Variants in GRID2 observed in about 807,000 individuals in gnomAD.
The protein encoded by GRID2 is glutamate receptor ionotropic, delta-2.
A neutral mutation model predicts 114.8 loss-of-function variants in GRID2; 33 were observed. The ratio of observed to expected loss-of-function variants is 0.29; its 90% CI spans 0.22 to 0.38. The LOEUF is 0.38. Among genes scored for constraint, GRID2 ranks in the 10% least tolerant of loss-of-function variants. The pLI is 1.00. For missense variants in GRID2, 1,184 were observed against 1,257.7 expected (o/e 0.94, Z 0.89); for synonymous variants, 505 against 449.9 (o/e 1.12, Z -1.55).
intron 2 of GRID2, among the ~76,000 whole-genome samples, chr4:92,714,477 C>A (rs1735433187): frequency 6.6e-6 from 1 of 152,152 alleles, no homozygotes. Context: ...TAGGCAGTGC[C>A]CCAGTGGGGA....
At chr4:92,875,175 T>TC (rs1404914580) in intron 2 of GRID2, among the ~76,000 whole-genome samples, 3 of 146,224 alleles carry the variant, frequency 2.1e-5, no homozygotes, top group Non-Finnish European at 4.5e-5. Context: ...TTTTTTTTTT[T>TC]TCCCGAGACG....
chr4:92,711,641 G>A (rs1000769437), intron 2 of GRID2, among the ~76,000 whole-genome samples: 38 of 152,124 alleles, frequency 2.5e-4, no homozygotes, highest in Admixed American at 2.2e-3. Flanking sequence ...GGTGACTCAC[G>A]CCTGTAATCC....
At chr4:93,182,263 T>C (rs548619544) in intron 4 of GRID2, among the ~76,000 whole-genome samples, 57 of 152,238 alleles carry the variant, frequency 3.7e-4, no homozygotes, top group African/African-American at 1.3e-3. Flanking sequence ...TTGAACTCAT[T>C]GTGTAGATCA....
intron 2 of GRID2, among the ~76,000 whole-genome samples, chr4:92,948,928 T>G (rs912536622): frequency 1.4e-4 from 21 of 150,810 alleles, no homozygotes; most frequent in Non-Finnish European, 2.5e-4. Flanking sequence ...ATAATATCAG[T>G]TTTTTTTTCA....
chr4:92,986,500 A>G (rs1754515269), intron 2 of GRID2, among the ~76,000 whole-genome samples: 1 of 152,190 alleles, frequency 6.6e-6, no homozygotes, highest in South Asian at 2.1e-4. Flanking sequence ...GAAAGTGGCA[A>G]ATACTGAAAG....
intron 4 of GRID2, among the ~76,000 whole-genome samples, chr4:93,173,057 T>C (rs1739003687): frequency 6.6e-6 from 1 of 152,162 alleles, no homozygotes; most frequent in African/African-American, 2.4e-5. Context: ...TTTTATTTCA[T>C]TGGCTATATT....
At chr4:93,074,793 G>T (rs553741383) in intron 2 of GRID2, among the ~76,000 whole-genome samples, 1 of 152,050 alleles carries the variant, frequency 6.6e-6, no homozygotes, top group African/African-American at 2.4e-5. Context: ...TATCAGTATC[G>T]TATAAAGAGA....
At chr4:93,431,200 G>A (rs1769373226) in intron 10 of GRID2, among the ~76,000 whole-genome samples, 1 of 152,048 alleles carries the variant, frequency 6.6e-6, no homozygotes, top group African/African-American at 2.4e-5. Flanking sequence ...AGAGGAGGAG[G>A]ACAGTTTAGA....
At chr4:93,772,005 A>G in intron 15 of GRID2, 71 bp from the exon 16 acceptor site, 1 of 866,068 alleles carries the variant, frequency 1.2e-6, no homozygotes, top group African/African-American at 1.7e-5. Flanking sequence ...TGTTTGCTGA[A>G]CTACTTTTTT....
At chr4:93,099,953 GATGACTATA>G (rs1213005754) in intron 3 of GRID2, among the ~76,000 whole-genome samples, 2 of 151,814 alleles carry the variant, frequency 1.3e-5, no homozygotes, top group Non-Finnish European at 2.9e-5. Flanking sequence ...TCAAATGTCT[GATGACTATA>G]ATATTACTGA....
intron 4 of GRID2, chr4:93,164,877 T>C (rs1192567196): frequency 3.7e-6 from 1 of 272,974 alleles, no homozygotes; most frequent in Non-Finnish European, 7.9e-6. Context: ...CCTCTGATAT[T>C]GACGTGTTAA....
chr4:92,920,248 C>T (rs376745828), intron 2 of GRID2, among the ~76,000 whole-genome samples: 10 of 152,194 alleles, frequency 6.6e-5, no homozygotes, highest in Middle Eastern at 3.4e-3. Flanking sequence ...TATCTCTGCA[C>T]GTGAGATAGG....
chr4:93,038,656 T>C (rs907732630), intron 2 of GRID2, among the ~76,000 whole-genome samples: 1 of 152,036 alleles, frequency 6.6e-6, no homozygotes, highest in African/African-American at 2.4e-5. Flanking sequence ...CCAGGCGTGG[T>C]GGTGGGCACC....
intron 13 of GRID2, among the ~76,000 whole-genome samples, chr4:93,568,957 C>T (rs1735686772): frequency 6.6e-6 from 1 of 152,112 alleles, no homozygotes; most frequent in Non-Finnish European, 1.5e-5. Context: ...GATTTACTTC[C>T]AACACCTGTA....
At chr4:92,602,357 G>A (rs1729257399) in intron 2 of GRID2, among the ~76,000 whole-genome samples, 2 of 152,112 alleles carry the variant, frequency 1.3e-5, no homozygotes, top group Admixed American at 1.3e-4. Flanking sequence ...TATCCACAAT[G>A]AACAAGTAGG....
chr4:93,614,174 G>A (rs531321263), intron 13 of GRID2, among the ~76,000 whole-genome samples: 15 of 152,280 alleles, frequency 9.9e-5, no homozygotes, highest in South Asian at 4.1e-4. Context: ...TTCAGCTCGC[G>A]CACGGTGCGT....
chr4:92,732,443 C>T (rs1417653850), intron 2 of GRID2, among the ~76,000 whole-genome samples: 1 of 151,922 alleles, frequency 6.6e-6, no homozygotes, highest in Non-Finnish European at 1.5e-5. Flanking sequence ...CAAGCACCTG[C>T]ATTCAAAGAA....
chr4:92,904,719 A>T lies in GRID2; in HGVS notation c.245-180276A>T, dbSNP rs1747825712. ...GGCCAAACAAATTAAGAAATGAATG[A>T]TGTGAAATGGAATCAGCTCAGGGGA... On this transcript the variant is annotated intron_variant, in intron 2 of 15. Coordinates refer to ENST00000282020, the MANE Select transcript of GRID2 (RefSeq NM_001510.4). Among the ~76,000 whole-genome samples the T allele has an allele frequency of 2.6e-5, 4 of 152,050 alleles. No homozygotes were observed. In the South Asian group the frequency reaches 8.3e-4, roughly 31 times the overall value.
intron 14 of GRID2, among the ~76,000 whole-genome samples, chr4:93,738,806 T>C (rs1731139837): frequency 1.3e-5 from 2 of 151,980 alleles, no homozygotes; most frequent in South Asian, 4.1e-4. Context: ...TATTATAATA[T>C]GATTATTATG....
Sources: gnomAD v4.1 joint callset for allele counts (sites outside exome capture counted in the v4.1 genomes callset) on GRCh38, gnomAD v4.1.1 for gene constraint, MANE v1.5 for transcripts, NCBI Gene and HGNC (gene_info 2026-07-23, HGNC 2026-07-21) for gene names.